Variants in TNS4 observed in about 807,000 individuals in gnomAD.
TNS4 encodes tensin 4.
Under a neutral mutation model 70.4 loss-of-function variants are expected in TNS4, and 46 were observed. The observed-to-expected ratio is 0.65, with a 90% CI of 0.52 to 0.84. The LOEUF is 0.84. TNS4 is among the 40% of genes least tolerant of loss of function. TNS4 has a pLI of 0.00. For synonymous variants in TNS4, 390 were observed against 366.6 expected, an observed-to-expected ratio of 1.06 and a Z score of -0.73; for missense variants, 863 against 907.0, an observed-to-expected ratio of 0.95 and a Z score of 0.62.
chr17:40,492,189 AAGAG>A (rs1202925611), intron 2 of TNS4, among the ~76,000 whole-genome samples: 1 of 152,190 alleles, frequency 6.6e-6, no homozygotes, highest in East Asian at 1.9e-4. Flanking sequence ...AGACTTTAGA[AAGAG>A]AGAAAGGACA....
At chr17:40,482,055 G>C in intron 8 of TNS4, 74 bp downstream of exon 8, 1 of 1,526,950 alleles carries the variant, frequency 6.5e-7, no homozygotes, top group Admixed American at 1.8e-5. Flanking sequence ...CAACAAGGTA[G>C]GAGTGAACCC....
intron 6 of TNS4, 53 bp from the exon 7 acceptor site, chr17:40,482,469 C>A (rs577471409): frequency 6.3e-7 from 1 of 1,580,234 alleles, no homozygotes; most frequent in African/African-American, 1.3e-5. Context: ...TGTGGCCGGG[C>A]GCGGTGGCTC....
intron 7 of TNS4, 42 bp downstream of exon 7, chr17:40,482,282 G>A: frequency 6.2e-7 from 1 of 1,613,780 alleles, no homozygotes; most frequent in Non-Finnish European, 8.5e-7. Flanking sequence ...AGACTTCGCT[G>A]GCCCCCCATC....
intron 2 of TNS4, 93 bp from the exon 3 acceptor site, chr17:40,489,062 C>G: frequency 5.6e-6 from 7 of 1,257,124 alleles, no homozygotes; most frequent in Non-Finnish European, 7.5e-6. Flanking sequence ...CATTCTGTCC[C>G]CCCTCTTTTA....
At chr17:40,485,086 AC>A in intron 4 of TNS4, 79 bp from the exon 5 acceptor site, 1 of 1,237,612 alleles carries the variant, frequency 8.1e-7, no homozygotes. Context: ...AAGGCTGGAG[AC>A]CCTTCCCTAC....
chr17:40,487,837 C>T (rs568425731), intron 3 of TNS4, among the ~76,000 whole-genome samples: 10 of 152,312 alleles, frequency 6.6e-5, no homozygotes, highest in African/African-American at 1.7e-4. Flanking sequence ...GCTGAACCTA[C>T]GCTGGACCAC....
In TNS4 at chr17:40,487,454, C is replaced by G. The variant is rs967823347; in HGVS notation, c.870G>C (p.Gln290His). 1 of 1,602,408 alleles carries G rather than the reference C, an allele frequency of 6.2e-7. No individual in the cohort carries two copies. The highest frequency in any genetic ancestry group is 8.5e-7 in the Non-Finnish European group (1 of 1,171,640). ...SDVSYMFGSS[Q>H]SLLHSSNSSH... ...TGGAGTTGCTGGAGTGCAGGAGGGA[C>G]TGGCTGCTGCAGCGGGAGAGAGTCA... The change falls in exon 4 of 13, where the codon CAG becomes CAC. Residue 290 changes from glutamine (Q) to histidine (H), a missense_variant. Gln to His is a conservative substitution (Grantham distance 24, BLOSUM62 0). Transcript: ENST00000254051.
intron 10 of TNS4, among the ~76,000 whole-genome samples, chr17:40,479,094 A>G (rs1338845419): frequency 6.6e-6 from 1 of 152,158 alleles, no homozygotes; most frequent in Non-Finnish European, 1.5e-5. Flanking sequence ...TGTTCCATCA[A>G]TGGGTGCAGG....
chr17:40,481,105 G>A (rs2035916486), intron 8 of TNS4, among the ~76,000 whole-genome samples: 1 of 152,100 alleles, frequency 6.6e-6, no homozygotes, highest in Non-Finnish European at 1.5e-5. Flanking sequence ...AGAAAGCGAG[G>A]AGGCTCTCAC....
chr17:40,479,354 C>T (rs1277097910), intron 10 of TNS4, among the ~76,000 whole-genome samples: 2 of 152,112 alleles, frequency 1.3e-5, no homozygotes, highest in Non-Finnish European at 2.9e-5. Context: ...ATCATGTTGA[C>T]CAGGCTGGTC....
At chr17:40,486,425 T>C (rs955433318) in intron 4 of TNS4, among the ~76,000 whole-genome samples, 1 of 151,992 alleles carries the variant, frequency 6.6e-6, no homozygotes, top group Non-Finnish European at 1.5e-5. Flanking sequence ...GACCCTGCTA[T>C]CCGTTGAGCT....
intron 1 of TNS4, among the ~76,000 whole-genome samples, chr17:40,500,427 G>A (rs982365084): frequency 9.2e-5 from 14 of 152,210 alleles, no homozygotes; most frequent in African/African-American, 3.1e-4. Context: ...CTTTCTTGCT[G>A]TAAGTGGTGG....
At chr17:40,489,595 G>T (rs535028521) in intron 2 of TNS4, among the ~76,000 whole-genome samples, 1 of 152,020 alleles carries the variant, frequency 6.6e-6, no homozygotes, top group Non-Finnish European at 1.5e-5. Context: ...ATCACCTGAG[G>T]TCAGGAGTTC....
At chr17:40,488,506 CTG>C (rs146557394) in intron 3 of TNS4, 38 bp downstream of exon 3, 752 of 1,410,368 alleles carry the variant, frequency 5.3e-4, no homozygotes, top group South Asian at 1.7e-3. Context: ...GTGCGTGTGC[CTG>C]TGTGTGTGTG....
intron 1 of TNS4, among the ~76,000 whole-genome samples, chr17:40,498,149 C>T (rs1277169261): frequency 6.6e-6 from 1 of 152,162 alleles, no homozygotes; most frequent in African/African-American, 2.4e-5. Flanking sequence ...CAAAACGCCT[C>T]CTTTACGTCC....
chr17:40,492,834 C>T (rs1465705497), intron 2 of TNS4, among the ~76,000 whole-genome samples: 2 of 151,800 alleles, frequency 1.3e-5, no homozygotes, highest in Non-Finnish European at 2.9e-5. Context: ...TGGACGAGGT[C>T]AAGAGTTCAA....
At chr17:40,481,776 G>A (rs1172532413) in intron 8 of TNS4, among the ~76,000 whole-genome samples, 1 of 152,244 alleles carries the variant, frequency 6.6e-6, no homozygotes, top group Non-Finnish European at 1.5e-5. Flanking sequence ...GACCTGGAAA[G>A]AGAAAACCTC....
intron 1 of TNS4, among the ~76,000 whole-genome samples, chr17:40,498,261 C>T (rs1313099636): frequency 6.6e-6 from 1 of 152,184 alleles, no homozygotes; most frequent in Non-Finnish European, 1.5e-5. Context: ...TGACTTCTAG[C>T]TCAAATAGCT....
chr17:40,488,496 G>A (rs774123306), intron 3 of TNS4, 50 bp downstream of exon 3: 14 of 1,450,330 alleles, frequency 9.7e-6, no homozygotes, highest in Middle Eastern at 1.9e-4. Context: ...GGGTGCATGC[G>A]TGCGTGTGCC....
Sources: gnomAD v4.1 joint callset for allele counts (sites outside exome capture counted in the v4.1 genomes callset) on GRCh38, gnomAD v4.1.1 for gene constraint, MANE v1.5 for transcripts, NCBI Gene and HGNC (gene_info 2026-07-23, HGNC 2026-07-21) for gene names.